DPH1: variants seen among roughly 807,000 people sequenced by gnomAD.
The protein encoded by DPH1 is 2-(3-amino-3-carboxypropyl)histidine synthase subunit 1.
Under a neutral mutation model 55.3 loss-of-function variants are expected in DPH1, and 59 were observed. The ratio of observed to expected loss-of-function variants is 1.07; its 90% CI spans 0.87 to 1.33. DPH1 has a LOEUF of 1.33. Ranked by LOEUF, DPH1 falls within the 40% of genes most tolerant of loss-of-function variation. The pLI is 0.00. For missense variants in DPH1, 628 were observed against 584.8 expected (o/e 1.07, Z -0.76); for synonymous variants, 238 against 235.5 (o/e 1.01, Z -0.10).
At chr17:2,030,282 C>T (rs779890763) in intron 1 of DPH1, 52 bp downstream of exon 1, 1 of 1,531,436 alleles carries the variant, frequency 6.5e-7, no homozygotes, top group South Asian at 1.2e-5. Flanking sequence ...GGGCGGGGCC[C>T]CCAAGTTAGG....
intron 12 of DPH1, 85 bp from the exon 13 acceptor site, chr17:2,042,520 T>C: frequency 6.9e-7 from 1 of 1,459,312 alleles, no homozygotes; most frequent in South Asian, 1.6e-5. Flanking sequence ...CTCTGTCATC[T>C]CGAACCCTCC....
At position 2,041,808 on chromosome 17, in the gene DPH1, G is replaced by C. The variant is rs993626715; in HGVS notation, c.1268G>C (p.Cys423Ser). Reference protein sequence around the residue: ...GSARPPSAVACEDCSCRDEKV... With the variant: ...GSARPPSAVASEDCSCRDEKV... ...GCGCGTCCCCCTTCGGCCGTGGCTT[G>C]CGAGGACTGCAGCTGCAGGGACGAG... Residue 423 changes from cysteine to serine, a missense_variant, in exon 12 of 13, where the codon TGC becomes TCC. Cys to Ser is a moderately radical substitution (Grantham distance 112). Transcript: ENST00000263083. 6.2e-6 allele frequency: 10 copies of C among 1,606,438 alleles called. No individual in the cohort carries two copies. In the African/African-American group the frequency reaches 1.3e-4, roughly 22 times the overall value.
chr17:2,042,529 C>T (rs2067560381), intron 12 of DPH1, 76 bp from the exon 13 acceptor site: 1 of 1,483,978 alleles, frequency 6.7e-7, no homozygotes, highest in South Asian at 1.5e-5. Flanking sequence ...CTCGAACCCT[C>T]CTGCCCTTTC....
upstream of DPH1, chr17:2,030,152 C>G (rs923680458): frequency 4.4e-6 from 7 of 1,600,276 alleles, no homozygotes; most frequent in African/African-American, 1.3e-5. Context: ...TTTTTAGTAC[C>G]ACATGCGCAG....
Position 2,041,563 on chromosome 17 carries a change from C to T in DPH1, c.1169C>T (p.Thr390Met), listed in dbSNP as rs778119971. The T allele has an allele frequency of 5.0e-5, 80 of 1,611,506 alleles. 1 individual carries two copies. The highest frequency in any genetic ancestry group is 2.5e-4 in the South Asian group (23 of 91,006). ...GCTGGCAGCTCCTTGGGGCCCTGGA[C>T]GGTGAACCACGGCCAGGACCGCCGT... is the stretch of plus-strand genomic sequence containing the variant. Reference protein sequence around the residue: ...FYAGSSLGPWTVNHGQDRRPH... With the variant: ...FYAGSSLGPWMVNHGQDRRPH... Residue 390 changes from threonine (T) to methionine (M), a missense_variant, in exon 11 of 13, where the codon ACG becomes ATG. Physicochemically the swap from Thr to Met is moderately conservative, Grantham distance 81 (BLOSUM62 -1). Transcript: ENST00000263083.
At chr17:2,033,179 G>T (rs755138222) in intron 1 of DPH1, among the ~76,000 whole-genome samples, 18 of 152,100 alleles carry the variant, frequency 1.2e-4, no homozygotes, top group South Asian at 8.3e-4. Flanking sequence ...TCACCTGGTG[G>T]GGGGGTGGGT....
chr17:2,041,868 G>C lies in DPH1; in HGVS notation c.*11G>C. ...CCGCTGGCTCCTTGACGCGCTCCCG[G>C]GCCTCAGGTATCAGCCCCCGCTCTG... On this transcript the variant is annotated 3_prime_UTR_variant, in exon 12 of 13. Coordinates refer to ENST00000263083, the MANE Select transcript of DPH1 (RefSeq NM_001383.6). The C allele has an allele frequency of 3.8e-6, 6 of 1,583,350 alleles. No homozygotes were observed. Among genetic ancestry groups the C allele is most frequent in the Non-Finnish European group, 5.1e-6 (6 of 1,168,014 alleles).
intron 1 of DPH1, among the ~76,000 whole-genome samples, chr17:2,032,435 A>G (rs1051996333): frequency 3.3e-5 from 5 of 152,202 alleles, no homozygotes; most frequent in Admixed American, 6.5e-5. Context: ...TGGAAATTAT[A>G]CCGGTTACCT....
Position 2,043,854 on chromosome 17 carries a change from C to T in DPH1, c.*1268C>T, listed in dbSNP as rs775539782. On this transcript the variant is annotated 3_prime_UTR_variant, in exon 13 of 13. Transcript: ENST00000263083. The stretch of plus-strand genomic sequence containing the variant: ...GTCGATGCCAGACCTTAGGTGGAGG[C>T]CAAAGACAGTACAGAATAAACAGCT... Among the ~76,000 whole-genome samples, 24 of 152,130 alleles carry T rather than the reference C, an allele frequency of 1.6e-4. No homozygotes were observed. The highest frequency in any genetic ancestry group is 7.2e-4 in the Admixed American group (11 of 15,266).
Position 2,040,580 on chromosome 17 carries a change from C to T in DPH1, c.982C>T (p.Leu328Phe). The stretch of plus-strand genomic sequence containing the variant: ...GCTCTCTGAGATCTTCCCCAGCAAG[C>T]TTAGCCTACTTCCTGAGGTGGATGT... The part of the protein sequence containing the change: ...LLLSEIFPSK[L>F]SLLPEVDVWV... The change falls in exon 9 of 13, where the codon CTT becomes TTT. Residue 328 changes from leucine (L) to phenylalanine (F), a missense_variant. By Grantham distance (22) the Leu-to-Phe change is conservative (BLOSUM62 0). Coordinates refer to ENST00000263083, the MANE Select transcript of DPH1 (RefSeq NM_001383.6). 2 of 1,614,226 alleles carry T rather than the reference C, an allele frequency of 1.2e-6. No homozygotes were observed. Among genetic ancestry groups the T allele is most frequent in the Non-Finnish European group, 1.7e-6 (2 of 1,180,024 alleles).
chr17:2,036,136 G>C lies in DPH1; in HGVS notation c.400+45G>C. The C allele has an allele frequency of 6.2e-7, 1 of 1,606,836 alleles. No individual in the cohort carries two copies. Among genetic ancestry groups the C allele is most frequent in the Non-Finnish European group, 8.5e-7 (1 of 1,176,008 alleles). On this transcript the variant is annotated intron_variant, in intron 4 of 12. Transcript: ENST00000263083. This position sits in a 1 kb window ranked among gnomAD's most constrained non-coding sequence, Gnocchi z 4.8. ...CCTGGACGGTGGCGGGGCTGGCAGG[G>C]AGGCAGGCTGCACATTCATCTTCCC...
chr17:2,040,998 G>A (rs2067510877), intron 9 of DPH1, 105 bp from the exon 10 acceptor site: 23 of 1,075,416 alleles, frequency 2.1e-5, no homozygotes, highest in Middle Eastern at 2.6e-4. Context: ...GATTCATAAA[G>A]CCTGTTAATG....
At chr17:2,032,968 G>A (rs1457862398) in intron 1 of DPH1, among the ~76,000 whole-genome samples, 1 of 152,136 alleles carries the variant, frequency 6.6e-6, no homozygotes, top group Non-Finnish European at 1.5e-5. Flanking sequence ...TCCTGATCTC[G>A]TGATCCGCCC....
intron 6 of DPH1, 169 bp downstream of exon 6, chr17:2,037,125 G>C (rs1234108673): frequency 3.0e-6 from 3 of 1,011,332 alleles, no homozygotes; most frequent in Non-Finnish European, 4.2e-6. Context: ...CAGGTTTACT[G>C]TCGCTTTCTC....
rs1192469099 is a variant in DPH1, at chr17:2,043,083, C to T, written c.*497C>T. ...CCCAGCGTCAGGCCTACCTCAAGTT[C>T]TTGGACCAGTTTGCAGAGTGAAAGA... On this transcript the variant is annotated 3_prime_UTR_variant, in exon 13 of 13. Transcript: ENST00000263083. 2 of 1,613,658 alleles carry T rather than the reference C, an allele frequency of 1.2e-6. No homozygotes were observed. Among genetic ancestry groups the T allele is most frequent in the African/African-American group, 1.3e-5 (1 of 74,934 alleles).
At chr17:2,040,165 A>G in intron 7 of DPH1, 53 bp from the exon 8 acceptor site, 1 of 1,604,216 alleles carries the variant, frequency 6.2e-7, no homozygotes, top group Non-Finnish European at 8.5e-7. Flanking sequence ...CTGTGTGCAT[A>G]ATACTGGTCC....
Position 2,040,268 on chromosome 17 carries a change from G to A in DPH1, c.800G>A (p.Arg267His). 16 of 1,614,036 alleles carry A rather than the reference G, an allele frequency of 9.9e-6. 1 individual carries two copies. Among genetic ancestry groups the A allele is most frequent in the South Asian group, 6.6e-5 (6 of 91,084 alleles). Residue 267 changes from arginine to histidine, a missense_variant, in exon 8 of 13, where the codon CGC becomes CAC. By Grantham distance (29) the Arg-to-His change is conservative. Coordinates refer to ENST00000263083, the MANE Select transcript of DPH1 (RefSeq NM_001383.6). The part of the protein sequence containing the change: ...VLSREHYDHQ[R>H]MQAARQEAIA... ...TCCAGAGAACACTATGACCACCAGC[G>A]CATGCAGGCTGCTCGCCAAGAAGCC...
chr17:2,036,341 G>C lies in DPH1; in HGVS notation c.401-188G>C, dbSNP rs1655849984. ...TTGGTTGTAGAGCAGGCTGGGCCCC[G>C]GCCGGGTGACAGAGAAGTCTGATTG... On this transcript the variant is annotated intron_variant, in intron 4 of 12. Coordinates refer to ENST00000263083, the MANE Select transcript of DPH1 (RefSeq NM_001383.6). The surrounding 1 kb of genome is among the most constrained non-coding windows in gnomAD (Gnocchi z 4.8). The C allele has an allele frequency of 8.6e-6, 9 of 1,046,746 alleles. No individual in the cohort carries two copies. In the East Asian group the frequency reaches 1.0e-4, roughly 12 times the overall value. 64.8% of individuals were successfully genotyped at this position (1,046,746 alleles called of 1,614,324 possible). A position where few individuals can be genotyped will look rare whatever the true frequency, so the allele number is the denominator to read the frequency against.
At chr17:2,041,448 C>A in intron 10 of DPH1, 33 bp from the exon 11 acceptor site, 1 of 1,577,508 alleles carries the variant, frequency 6.3e-7, no homozygotes, top group South Asian at 1.2e-5. Flanking sequence ...AAAACACTGG[C>A]AGATGTTATT....
Sources: allele counts gnomAD v4.1 joint callset (sites outside exome capture counted in the v4.1 genomes callset), GRCh38; gene constraint gnomAD v4.1.1; non-coding constraint Gnocchi (gnomAD v3.1); transcripts MANE v1.5; gene names NCBI Gene and HGNC (gene_info 2026-07-23, HGNC 2026-07-21).